SORCS1: variants seen among roughly 807,000 people sequenced by gnomAD.
SORCS1 encodes sortilin related VPS10 domain containing receptor 1.
SORCS1 carries 60 observed loss-of-function variants against 146.1 expected under a neutral mutation model. The ratio of observed to expected loss-of-function variants is 0.41; its 90% confidence interval spans 0.33 to 0.51. The LOEUF (loss-of-function observed/expected upper bound fraction) is 0.51. Among genes scored for constraint, SORCS1 ranks in the 20% least tolerant of loss-of-function variants. SORCS1 has a pLI of 0.21. For missense variants in SORCS1, 1,352 were observed against 1,487.6 expected (o/e 0.91, Z 1.50); for synonymous variants, 637 against 584.0 (o/e 1.09, Z -1.31).
intron 10 of SORCS1, among the ~76,000 whole-genome samples, chr10:106,686,392 C>A (rs79988456): frequency 0.03 from 4,586 of 152,306 alleles, 110 homozygotes; most frequent in Non-Finnish European, 0.05. Flanking sequence ...AGTCCCCAGG[C>A]AAGCCCATTT....
intron 1 of SORCS1, among the ~76,000 whole-genome samples, chr10:107,087,427 G>A (rs2134281578): frequency 6.6e-6 from 1 of 152,256 alleles, no homozygotes; most frequent in Middle Eastern, 3.4e-3. Context: ...GTAATATAAT[G>A]GAAAGTTCCT....
chr10:107,025,916 C>A (rs1247986629), intron 1 of SORCS1, among the ~76,000 whole-genome samples: 1 of 152,154 alleles, frequency 6.6e-6, no homozygotes, highest in African/African-American at 2.4e-5. Flanking sequence ...AAGAGATAAG[C>A]CCTGGAATGG....
intron 2 of SORCS1, among the ~76,000 whole-genome samples, chr10:106,883,381 A>G (rs1589624973): frequency 1.3e-5 from 2 of 152,070 alleles, no homozygotes; most frequent in South Asian, 2.1e-4. Context: ...TAGGAGCTAA[A>G]GTGCAACATC....
intron 1 of SORCS1, among the ~76,000 whole-genome samples, chr10:107,150,146 T>G (rs1041135703): frequency 1.3e-5 from 2 of 152,220 alleles, no homozygotes; most frequent in Admixed American, 1.3e-4. Flanking sequence ...CCCTTAAGGG[T>G]AAAGATCAGA....
chr10:106,703,787 G>A (rs1339196144), intron 8 of SORCS1, among the ~76,000 whole-genome samples: 2 of 152,084 alleles, frequency 1.3e-5, no homozygotes, highest in South Asian at 2.1e-4. Flanking sequence ...CACCCAAGCT[G>A]GGGTTTCTTT....
chr10:107,107,695 G>C (rs370297307), intron 1 of SORCS1, among the ~76,000 whole-genome samples: 6 of 152,300 alleles, frequency 3.9e-5, no homozygotes, highest in African/African-American at 1.4e-4. Flanking sequence ...GAAATTCCAG[G>C]GGAGCCCGAT....
intron 1 of SORCS1, among the ~76,000 whole-genome samples, chr10:107,073,249 C>T (rs1425724781): frequency 6.6e-6 from 1 of 152,164 alleles, no homozygotes; most frequent in Non-Finnish European, 1.5e-5. Context: ...TTCTAAGGAG[C>T]ATTTCCGCTG....
At chr10:106,829,412 T>C (rs1252413002) in intron 3 of SORCS1, among the ~76,000 whole-genome samples, 162 bp downstream of exon 3, 2 of 152,220 alleles carry the variant, frequency 1.3e-5, no homozygotes, top group Non-Finnish European at 2.9e-5. Flanking sequence ...ATCTGAAAAT[T>C]ATGATGTGTC....
At chr10:106,764,429 C>A (rs561883634) in intron 4 of SORCS1, among the ~76,000 whole-genome samples, 1 of 152,208 alleles carries the variant, frequency 6.6e-6, no homozygotes, top group Admixed American at 6.5e-5. Context: ...CAGCCACCAG[C>A]GGAAGGCTTT....
intron 1 of SORCS1, among the ~76,000 whole-genome samples, chr10:107,022,315 G>C (rs906116972): frequency 2.0e-5 from 3 of 152,140 alleles, no homozygotes; most frequent in Non-Finnish European, 4.4e-5. Flanking sequence ...CACTGGTCCG[G>C]AGTCCAGACC....
rs1554871257 is a variant in SORCS1, at chr10:106,878,646, A to ATT, written c.627-48974_627-48973insAA. ...TATATATATATATATATATATATATATATTTTATAGCAGCCTGAATGGACT... is the reference window on the plus strand; with the variant it reads ...TATATATATATATATATATATATATATTTATTTTATAGCAGCCTGAATGGACT... On this transcript the variant is annotated intron_variant, in intron 2 of 25. Transcript: ENST00000263054. Among the ~76,000 whole-genome samples, 89 of 117,890 alleles carry ATT rather than the reference A, an allele frequency of 7.5e-4. 3 individuals carry two copies. Among genetic ancestry groups the ATT allele is most frequent in the African/African-American group, 2.0e-3 (70 of 35,388 alleles). 77.3% of individuals were successfully genotyped at this position (117,890 alleles called of 152,430 possible).
chr10:106,710,045 A>G (rs548750561), intron 6 of SORCS1, among the ~76,000 whole-genome samples: 1 of 152,346 alleles, frequency 6.6e-6, no homozygotes, highest in East Asian at 1.9e-4. Flanking sequence ...GATCTTTGAC[A>G]AAGAGGAAAA....
chr10:106,899,414 C>T (rs1286855126), intron 2 of SORCS1, among the ~76,000 whole-genome samples: 2 of 152,122 alleles, frequency 1.3e-5, no homozygotes. Context: ...ATGTCCCAGT[C>T]CTCTCCCCTC....
intron 2 of SORCS1, among the ~76,000 whole-genome samples, chr10:106,850,930 T>C (rs1192121055): frequency 6.6e-6 from 1 of 152,094 alleles, no homozygotes; most frequent in African/African-American, 2.4e-5. Flanking sequence ...TTCTAGCCAA[T>C]TGCAAAAAAA....
chr10:106,654,692 C>T (rs2135291287), intron 17 of SORCS1, among the ~76,000 whole-genome samples: 1 of 152,328 alleles, frequency 6.6e-6, no homozygotes, highest in African/African-American at 2.4e-5. Context: ...CCCAGCTATG[C>T]TGATCCCTGT....
chr10:106,807,151 T>C (rs1407059852), intron 3 of SORCS1, among the ~76,000 whole-genome samples: 5 of 123,336 alleles, frequency 4.1e-5, no homozygotes, highest in Admixed American at 8.2e-5. Flanking sequence ...TCAAAGGTTT[T>C]CTGCTAACAT....
At chr10:106,967,642 T>C (rs1011173967) in intron 1 of SORCS1, among the ~76,000 whole-genome samples, 3 of 152,160 alleles carry the variant, frequency 2.0e-5, no homozygotes, top group Admixed American at 1.3e-4. Context: ...GAGCTGCAGT[T>C]GGAGGAAACC....
At chr10:106,726,895 G>A (rs1226864581) in intron 6 of SORCS1, among the ~76,000 whole-genome samples, 1 of 151,966 alleles carries the variant, frequency 6.6e-6, no homozygotes, top group Non-Finnish European at 1.5e-5. Context: ...GACCATCCTG[G>A]CTAACACGGT....
At chr10:107,100,988 G>C (rs537947921) in intron 1 of SORCS1, among the ~76,000 whole-genome samples, 1 of 152,276 alleles carries the variant, frequency 6.6e-6, no homozygotes, top group Admixed American at 6.5e-5. Context: ...TGGAACTCCT[G>C]GACTCAAGAG....
Sources: gnomAD v4.1 joint callset for allele counts (sites outside exome capture counted in the v4.1 genomes callset) on GRCh38, gnomAD v4.1.1 for gene constraint, MANE v1.5 for transcripts, NCBI Gene and HGNC (gene_info 2026-07-23, HGNC 2026-07-21) for gene names.